SORCS2: variants seen among roughly 807,000 people sequenced by gnomAD.
The protein encoded by SORCS2 is sortilin related VPS10 domain containing receptor 2, also known as VPS10 domain-containing receptor SorCS2.
SORCS2 carries 100 observed loss-of-function variants against 141.6 expected under a neutral mutation model. That is an observed-to-expected ratio of 0.71 (90% CI 0.60 to 0.83). SORCS2 has a LOEUF of 0.83. SORCS2 is among the 40% of genes least tolerant of loss of function. SORCS2 has a pLI of 0.00. For missense variants in SORCS2, 1,646 were observed against 1,560.2 expected, an observed-to-expected ratio of 1.05 and a Z score of -0.93; for synonymous variants, 789 against 676.9, an observed-to-expected ratio of 1.17 and a Z score of -2.57.
chr4:7,637,733 A>G (rs1720362993), intron 3 of SORCS2, among the ~76,000 whole-genome samples: 1 of 151,654 alleles, frequency 6.6e-6, no homozygotes, highest in South Asian at 2.1e-4. Flanking sequence ...GAATGCATGC[A>G]TGCATGAATG....
At chr4:7,480,320 G>A (rs1027380622) in intron 2 of SORCS2, among the ~76,000 whole-genome samples, 4 of 152,164 alleles carry the variant, frequency 2.6e-5, no homozygotes, top group Non-Finnish European at 5.9e-5. Context: ...GAGGCCTGTG[G>A]CTGCATTATT....
chr4:7,617,964 C>T (rs904242910), intron 3 of SORCS2, among the ~76,000 whole-genome samples: 22 of 152,122 alleles, frequency 1.4e-4, no homozygotes, highest in African/African-American at 1.9e-4. Context: ...TCCGTTTTTC[C>T]CTCTTCCTCC....
intron 1 of SORCS2, among the ~76,000 whole-genome samples, chr4:7,195,007 C>T (rs1351462291): frequency 1.3e-5 from 2 of 151,956 alleles, no homozygotes; most frequent in Non-Finnish European, 2.9e-5. Flanking sequence ...GGGTGCAGGG[C>T]AGCTTCCTGG....
intron 1 of SORCS2, among the ~76,000 whole-genome samples, chr4:7,358,155 T>G (rs1005253973): frequency 6.6e-6 from 1 of 152,192 alleles, no homozygotes. Flanking sequence ...CTAACAGCAG[T>G]GTAATTTCAG....
chr4:7,600,674 C>T (rs1258305787), intron 3 of SORCS2, among the ~76,000 whole-genome samples: 1 of 151,398 alleles, frequency 6.6e-6, no homozygotes, highest in African/African-American at 2.4e-5. Flanking sequence ...CACACACACA[C>T]ACACACACAC....
intron 1 of SORCS2, among the ~76,000 whole-genome samples, chr4:7,240,045 T>C (rs73204601): frequency 0.033 from 5,078 of 152,284 alleles, 130 homozygotes; most frequent in Non-Finnish European, 0.048. Flanking sequence ...GCTTCCTCAC[T>C]GTAGACCCGG....
intron 1 of SORCS2, among the ~76,000 whole-genome samples, chr4:7,261,378 C>T (rs778108852): frequency 9.2e-5 from 14 of 152,212 alleles, no homozygotes; most frequent in East Asian, 3.9e-4. Flanking sequence ...GTCAGGCAGA[C>T]GGTGTTGCTT....
Position 7,548,933 on chromosome 4 carries a change from C to T in SORCS2, c.648+17304C>T, listed in dbSNP as rs553543660. On this transcript the variant is annotated intron_variant, in intron 3 of 26. Transcript: ENST00000507866. ...GCAGGCCACTTTCTGAGCCAAGATG[C>T]CCCATTCCCGAGGCATCAGCATAGC... is the stretch of plus-strand genomic sequence containing the variant. Among the ~76,000 whole-genome samples, 167 of 152,334 alleles carry T rather than the reference C, an allele frequency of 1.1e-3. 2 individuals are homozygous for T. Among genetic ancestry groups the T allele is most frequent in the Middle Eastern group, 0.01 (3 of 294 alleles).
intron 1 of SORCS2, among the ~76,000 whole-genome samples, chr4:7,320,179 A>G (rs1328931558): frequency 2.6e-5 from 4 of 152,214 alleles, no homozygotes; most frequent in African/African-American, 9.6e-5. Flanking sequence ...ATACGGAAAT[A>G]TATGCATCAC....
intron 2 of SORCS2, among the ~76,000 whole-genome samples, chr4:7,475,713 C>G (rs1445736050): frequency 7.0e-6 from 1 of 142,712 alleles, no homozygotes; most frequent in Non-Finnish European, 1.5e-5. Context: ...ACACAACACA[C>G]ATACACACAC....
intron 12 of SORCS2, among the ~76,000 whole-genome samples, chr4:7,702,583 T>C (rs1490228201): frequency 6.6e-6 from 1 of 152,180 alleles, no homozygotes. Flanking sequence ...ACCCTCAGTA[T>C]CCACTCCTGG....
chr4:7,588,567 G>A (rs999703440), intron 3 of SORCS2, among the ~76,000 whole-genome samples: 52 of 152,264 alleles, frequency 3.4e-4, no homozygotes, highest in African/African-American at 1.1e-3. Flanking sequence ...AGGTTGAAGA[G>A]CCCCCCTCTG....
At chr4:7,501,341 A>G (rs931488677) in intron 2 of SORCS2, among the ~76,000 whole-genome samples, 11 of 144,128 alleles carry the variant, frequency 7.6e-5, no homozygotes, top group Admixed American at 6.0e-4. Flanking sequence ...TCTTGGAGTG[A>G]AAAACAGAAG....
intron 9 of SORCS2, among the ~76,000 whole-genome samples, chr4:7,676,976 C>T (rs144235115): frequency 0.13 from 5,432 of 41,298 alleles, 1,651 homozygotes; most frequent in East Asian, 0.25. Context: ...ACCCCAGCCC[C>T]TTCATCTCCT....
In SORCS2 at chr4:7,664,318, G is replaced by A. The variant is rs1034082942; in HGVS notation, c.953-35G>A. The A allele has an allele frequency of 6.3e-7, 1 of 1,582,958 alleles. No homozygotes were observed. Among genetic ancestry groups the A allele is most frequent in the African/African-American group, 1.3e-5 (1 of 74,232 alleles). On this transcript the variant is annotated intron_variant, in intron 6 of 26. Transcript: ENST00000507866. The surrounding 1 kb of genome is among the most constrained non-coding windows in gnomAD (Gnocchi z 4.7). ...CGGGCCGTCTCTGGCTCCGGCTGGAGTCTGACCGCCTGGGTCGGCGCCTCT... is the reference window on the plus strand; with the variant it reads ...CGGGCCGTCTCTGGCTCCGGCTGGAATCTGACCGCCTGGGTCGGCGCCTCT...
intron 1 of SORCS2, among the ~76,000 whole-genome samples, chr4:7,383,756 C>G (rs928127885): frequency 4.3e-4 from 65 of 152,284 alleles, no homozygotes; most frequent in African/African-American, 1.5e-3. Context: ...ACCAAAACAG[C>G]AGCTTGTAAT....
chr4:7,200,635 G>A (rs113673923), intron 1 of SORCS2, among the ~76,000 whole-genome samples: 1 of 152,216 alleles, frequency 6.6e-6, no homozygotes, highest in African/African-American at 2.4e-5. Context: ...CCTCACCGCA[G>A]CCTCTTTCAA....
chr4:7,371,525 A>G (rs1722248708), intron 1 of SORCS2, among the ~76,000 whole-genome samples: 1 of 152,186 alleles, frequency 6.6e-6, no homozygotes, highest in African/African-American at 2.4e-5. Flanking sequence ...TGATACAGAA[A>G]AAAATGAGTG....
At chr4:7,724,418 G>GGATGGTGGTGGTGATGGT in intron 19 of SORCS2, among the ~76,000 whole-genome samples, 1 of 129,486 alleles carries the variant, frequency 7.7e-6, no homozygotes, top group East Asian at 2.3e-4. Flanking sequence ...TGGTGGGAAT[G>GGATGGTGGTGGTGATGGT]GATGGTGGTG....
Sources: allele counts gnomAD v4.1 joint callset (sites outside exome capture counted in the v4.1 genomes callset), GRCh38; gene constraint gnomAD v4.1.1; non-coding constraint Gnocchi (gnomAD v3.1); transcripts MANE v1.5; gene names NCBI Gene and HGNC (gene_info 2026-07-23, HGNC 2026-07-21).